BAHCC1: variants seen among roughly 807,000 people sequenced by gnomAD.
BAHCC1 encodes the protein BAH domain and coiled-coil containing 1, also known as BAH and coiled-coil domain-containing protein 1.
Under a neutral mutation model 88.2 loss-of-function variants are expected in BAHCC1, and 43 were observed. That is an observed-to-expected ratio of 0.49 (90% CI 0.38 to 0.63). BAHCC1 has a LOEUF of 0.63. BAHCC1 is among the 20% of genes least tolerant of loss of function. The pLI is 0.00. For missense variants in BAHCC1, 3,023 were observed against 1,654.8 expected, an observed-to-expected ratio of 1.83 and a Z score of -14.34; for synonymous variants, 1,510 against 745.5, an observed-to-expected ratio of 2.03 and a Z score of -16.71.
intron 2 of BAHCC1, among the ~76,000 whole-genome samples, chr17:81,410,803 C>T (rs1456626252): frequency 3.3e-5 from 5 of 151,890 alleles, no homozygotes; most frequent in African/African-American, 9.7e-5. Context: ...GCTGGAAGAG[C>T]AAAGATGTCC....
intron 2 of BAHCC1, chr17:81,421,893 C>T (rs2064120130): frequency 8.2e-6 from 3 of 364,256 alleles, no homozygotes; most frequent in East Asian, 1.1e-4. Context: ...AATTGGGGTG[C>T]AGCATGCGAC....
intron 14 of BAHCC1, among the ~76,000 whole-genome samples, chr17:81,454,549 A>G (rs1258151209): frequency 1.2e-5 from 1 of 82,528 alleles, no homozygotes; most frequent in Admixed American, 1.2e-4. Context: ...CCCCCACCCC[A>G]CCCCACCCAC....
intron 2 of BAHCC1, among the ~76,000 whole-genome samples, chr17:81,408,862 A>T (rs2063913067): frequency 6.6e-6 from 1 of 151,998 alleles, no homozygotes; most frequent in Non-Finnish European, 1.5e-5. Context: ...GGGGGTGGAA[A>T]TGTCCTTCTG....
At position 81,460,132 on chromosome 17, in the gene BAHCC1, C is replaced by T. The variant is rs939755823; in HGVS notation, c.5906-145C>T. The T allele has an allele frequency of 3.2e-4, 199 of 620,156 alleles. 1 individual carries two copies. In the East Asian group the frequency reaches 5.3e-3, roughly 16 times the overall value. 38.4% of individuals were successfully genotyped at this position (620,156 alleles called of 1,614,324 possible). ...AGAGGAGGCCCCCGCTCCTGGGCTG[C>T]AGGGCGGCTCCACTGTCTGTGTGGT... On this transcript the variant is annotated intron_variant, in intron 23 of 27. Coordinates refer to ENST00000675386, the MANE Select transcript of BAHCC1 (RefSeq NM_001377448.1).
At chr17:81,448,774 C>T (rs2064580037) in intron 11 of BAHCC1, among the ~76,000 whole-genome samples, 1 of 152,174 alleles carries the variant, frequency 6.6e-6, no homozygotes, top group Non-Finnish European at 1.5e-5. Context: ...TGGGAGCTGC[C>T]TGCCCTCGGG....
chr17:81,444,273 C>G (rs2064479296), intron 6 of BAHCC1, 108 bp from the exon 7 acceptor site: 2 of 628,688 alleles, frequency 3.2e-6, no homozygotes, highest in Non-Finnish European at 5.7e-6. Context: ...GCATTGGCAC[C>G]GTTGGTGGGG....
In BAHCC1 at chr17:81,460,874, G is replaced by T; in HGVS notation, c.6211G>T (p.Glu2071Ter). 5 of 766,528 alleles carry T rather than the reference G, an allele frequency of 6.5e-6. No individual in the cohort carries two copies. Among genetic ancestry groups the T allele is most frequent in the Non-Finnish European group, 1.2e-5 (5 of 417,870 alleles). 47.5% of individuals were successfully genotyped at this position (766,528 alleles called of 1,614,324 possible). The change falls in exon 26 of 28, where the codon GAA becomes TAA. Residue 2071 changes from glutamate (E) to a stop codon, truncating the protein, a stop_gained. Transcript: ENST00000675386. LOFTEE classifies it high-confidence loss of function. The part of the protein sequence containing the change: ...SISKDKAGKA[E>*]LLTSGAKSPT... ...TGGGCTTTTGCCCTCAGGTAAAGCC[G>T]AACTCCTAACCTCAGGTGCCAAATC...
At position 81,438,456 on chromosome 17, in the gene BAHCC1, C is replaced by T. The variant is rs782242690; in HGVS notation, c.445C>T (p.Leu149Phe). ...GGATCACCATGGAAACAGCAACGTT[C>T]TCTATGGGCAGCACCGTTTCTATGG... ...HLDHHGNSNV[L>F]YGQHRFYGTQ... The change falls in exon 4 of 28, where the codon CTC becomes TTC. Residue 149 changes from leucine to phenylalanine, a missense_variant. Physicochemically the swap from Leu to Phe is conservative, Grantham distance 22. Coordinates refer to ENST00000675386, the MANE Select transcript of BAHCC1 (RefSeq NM_001377448.1). 3.9e-6 allele frequency: 3 copies of T among 776,120 alleles called. No homozygotes were observed. Among genetic ancestry groups the T allele is most frequent in the Admixed American group, 1.7e-5 (1 of 58,378 alleles). The allele number at this position is 776,120 out of a possible 1,614,324, so 48.1% of individuals were successfully genotyped here.
At chr17:81,406,579 C>T (rs1358584045) in intron 2 of BAHCC1, among the ~76,000 whole-genome samples, 4 of 152,262 alleles carry the variant, frequency 2.6e-5, no homozygotes, top group African/African-American at 7.2e-5. Context: ...GACCGCACTC[C>T]GCTCGGGCTC....
At position 81,407,348 on chromosome 17, in the gene BAHCC1, C is replaced by A. The variant is rs781929128; in HGVS notation, c.178+7431C>A. 5.8e-6 allele frequency: 3 copies of A among 520,062 alleles called. No homozygotes were observed. The East Asian group carries it at 1.6e-4, about 28-fold the overall frequency. The allele number at this position is 520,062 out of a possible 1,614,324, so 32.2% of individuals were successfully genotyped here. A position where few individuals can be genotyped will look rare whatever the true frequency, so the allele number is the denominator to read the frequency against. ...TTAGCCATATTAAGTAAGAAAGAAA[C>A]CAGCCTGCTGGCGTCTTCAAGGGAA... On this transcript the variant is annotated intron_variant, in intron 2 of 27. Coordinates refer to ENST00000675386, the MANE Select transcript of BAHCC1 (RefSeq NM_001377448.1).
chr17:81,443,020 G>C lies in BAHCC1; in HGVS notation c.1671G>C (p.Gln557His), dbSNP rs1390096411. Reference protein sequence around the residue: ...QQHLMAAEVEQGGIGAEAKRK... With the variant: ...QQHLMAAEVEHGGIGAEAKRK... ...ACTTGATGGCCGCCGAGGTGGAGCAGGGGGGCATTGGGGCTGAGGCCAAGC... is the reference window on the plus strand; with the variant it reads ...ACTTGATGGCCGCCGAGGTGGAGCACGGGGGCATTGGGGCTGAGGCCAAGC... The change falls in exon 5 of 28, where the codon CAG becomes CAC. Residue 557 changes from glutamine (Q) to histidine (H), a missense_variant. By Grantham distance (24) the Gln-to-His change is conservative. Coordinates refer to ENST00000675386, the MANE Select transcript of BAHCC1 (RefSeq NM_001377448.1). The C allele has an allele frequency of 1.3e-6, 1 of 778,234 alleles. No homozygotes were observed. Among genetic ancestry groups the C allele is most frequent in the African/African-American group, 1.7e-5 (1 of 59,162 alleles). The allele number at this position is 778,234 out of a possible 1,614,324, so 48.2% of individuals were successfully genotyped here.
In BAHCC1 at chr17:81,445,549, C is replaced by A. The variant is rs1421443761; in HGVS notation, c.3031C>A (p.Arg1011=). The A allele has an allele frequency of 8.3e-6, 6 of 723,824 alleles. No homozygotes were observed. Among genetic ancestry groups the A allele is most frequent in the African/African-American group, 6.9e-5 (4 of 57,568 alleles). 44.8% of individuals were successfully genotyped at this position (723,824 alleles called of 1,614,324 possible). The change falls in exon 10 of 28, where the codon CGG becomes AGG. Residue 1011 remains arginine, a synonymous_variant. Transcript: ENST00000675386. The part of the protein sequence containing the change: ...PPASSPTPPP[R]PSAPCTLNVC... The stretch of plus-strand genomic sequence containing the variant: ...CGCCAGCTCCCCCACCCCACCACCT[C>A]GGCCCAGCGCCCCGTGCACTTTAAA...
chr17:81,413,665 A>G (rs1387774329), intron 2 of BAHCC1, among the ~76,000 whole-genome samples: 2 of 152,188 alleles, frequency 1.3e-5, no homozygotes, highest in South Asian at 2.1e-4. Flanking sequence ...GGCTGCAGCA[A>G]GGTCCCAGGG....
chr17:81,445,824 C>T (rs1598492282), intron 10 of BAHCC1, 143 bp downstream of exon 10: 10 of 602,634 alleles, frequency 1.7e-5, no homozygotes, highest in Non-Finnish European at 3.0e-5. Context: ...TGTTCCCTTC[C>T]TCTCTCTTCC....
At chr17:81,431,019 C>G (rs1410598050) in intron 3 of BAHCC1, among the ~76,000 whole-genome samples, 1 of 84,552 alleles carries the variant, frequency 1.2e-5, no homozygotes, top group African/African-American at 4.8e-5. Flanking sequence ...GTGGGGGTCT[C>G]GGCGTGGGGG....
chr17:81,451,620 G>A (rs782732873), intron 11 of BAHCC1, 48 bp from the exon 12 acceptor site: 2 of 739,798 alleles, frequency 2.7e-6, no homozygotes, highest in Non-Finnish European at 5.0e-6. Context: ...CCTGTGAGGG[G>A]CAGTGTGTGC....
chr17:81,443,511 C>A lies in BAHCC1; in HGVS notation c.2162C>A (p.Ala721Glu). The change falls in exon 5 of 28, where the codon GCA becomes GAA. Residue 721 changes from alanine to glutamate, a missense_variant. By Grantham distance (107) the Ala-to-Glu change is moderately radical. Coordinates refer to ENST00000675386, the MANE Select transcript of BAHCC1 (RefSeq NM_001377448.1). ...RQKDTVSRSE[A>E]AYGTNTARQG... ...AAGGACACAGTGAGCCGGTCTGAGGCAGCCTACGGCACCAACACTGCGCGG... is the reference window on the plus strand; with the variant it reads ...AAGGACACAGTGAGCCGGTCTGAGGAAGCCTACGGCACCAACACTGCGCGG... 1.4e-6 allele frequency: 1 copy of A among 691,304 alleles called. No individual in the cohort carries two copies. Among genetic ancestry groups the A allele is most frequent in the Non-Finnish European group, 2.7e-6 (1 of 375,148 alleles). 42.8% of individuals were successfully genotyped at this position (691,304 alleles called of 1,614,324 possible).
At chr17:81,456,156 C>T (rs2064744912) in intron 15 of BAHCC1, 141 bp from the exon 16 acceptor site, 1 of 580,680 alleles carries the variant, frequency 1.7e-6, no homozygotes, top group African/African-American at 1.9e-5. Context: ...GCCAGACATC[C>T]CTTCAGCCCC....
intron 2 of BAHCC1, among the ~76,000 whole-genome samples, chr17:81,425,328 T>C (rs1327696891): frequency 8.1e-6 from 1 of 124,040 alleles, no homozygotes; most frequent in Non-Finnish European, 1.7e-5. Flanking sequence ...TTGGGGGTGA[T>C]AGTGGTGGGT....
Sources: allele counts gnomAD v4.1 joint callset (sites outside exome capture counted in the v4.1 genomes callset), GRCh38; gene constraint gnomAD v4.1.1; transcripts MANE v1.5; gene names NCBI Gene and HGNC (gene_info 2026-07-23, HGNC 2026-07-21).